SRD5A1: variants seen among roughly 807,000 people sequenced by gnomAD.
SRD5A1 encodes the protein steroid 5 alpha-reductase 1.
SRD5A1 carries 22 observed loss-of-function variants against 28.2 expected under a neutral mutation model. The ratio of observed to expected loss-of-function variants is 0.78; its 90% CI spans 0.56 to 1.12. The LOEUF is 1.12. SRD5A1 is among the 50% of genes most tolerant of loss of function. The pLI is 0.00. For synonymous variants in SRD5A1, 151 were observed against 135.0 expected (o/e 1.12, Z -0.82); for missense variants, 300 against 346.7 (o/e 0.87, Z 1.07).
rs547317427 is a variant in SRD5A1, at chr5:6,656,327, T to C, written c.562+148T>C. The C allele has an allele frequency of 3.1e-4, 211 of 683,828 alleles. 1 individual carries two copies. In the African/African-American group the frequency reaches 3.4e-3, roughly 11 times the overall value. 42.4% of individuals were successfully genotyped at this position (683,828 alleles called of 1,614,324 possible). On this transcript the variant is annotated intron_variant, in intron 3 of 4. Transcript: ENST00000274192. ...TCATCATTATTAATAACAAGTGCTA[T>C]TGTTATTGTCTTATTAGAATAACAA...
chr5:6,663,279 A>T (rs2126551509), intron 4 of SRD5A1, among the ~76,000 whole-genome samples: 1 of 152,366 alleles, frequency 6.6e-6, no homozygotes, highest in South Asian at 2.1e-4. Flanking sequence ...ATTAAAACAG[A>T]TCCCTGACTG....
chr5:6,645,253 C>A, intron 1 of SRD5A1: 1 of 280,550 alleles, frequency 3.6e-6, no homozygotes, highest in Non-Finnish European at 7.0e-6. Flanking sequence ...TACCCTGGCG[C>A]ACATGGTCAG....
chr5:6,671,497 G>C lies in SRD5A1; in HGVS notation c.*3229G>C, dbSNP rs997922336. 1.3e-5 allele frequency: 2 copies of C among 152,202 alleles called. No homozygotes were observed. Among genetic ancestry groups the C allele is most frequent in the Middle Eastern group, 3.4e-3 (1 of 292 alleles). 9.4% of individuals were successfully genotyped at this position (152,202 alleles called of 1,614,324 possible). On this transcript the variant is annotated 3_prime_UTR_variant, in exon 5 of 5. Transcript: ENST00000274192. ...TGACTGTTGCTTTTACCATGCAAAA[G>C]CTCTTTAGTTTAATTAAGTCCCATC...
chr5:6,650,953 G>A (rs1270684688), intron 1 of SRD5A1, among the ~76,000 whole-genome samples: 1 of 151,858 alleles, frequency 6.6e-6, no homozygotes, highest in African/African-American at 2.4e-5. Context: ...CAATTGCCCC[G>A]ATTTACATTT....
chr5:6,662,989 CA>C, intron 4 of SRD5A1, 23 bp downstream of exon 4: 1 of 1,612,038 alleles, frequency 6.2e-7, no homozygotes. Context: ...ACACTTTTAC[CA>C]TTTGTAATTT....
intron 2 of SRD5A1, among the ~76,000 whole-genome samples, chr5:6,655,495 A>C (rs553304561): frequency 1.3e-5 from 2 of 152,364 alleles, no homozygotes; most frequent in East Asian, 3.9e-4. Context: ...CTGACCGAGC[A>C]ATGCTGATTG....
chr5:6,643,940 T>C (rs1369763654), intron 1 of SRD5A1, among the ~76,000 whole-genome samples: 5 of 152,190 alleles, frequency 3.3e-5, no homozygotes, highest in Non-Finnish European at 7.3e-5. Flanking sequence ...TCCTCTATTA[T>C]ATTCTTTTGA....
chr5:6,634,748 T>C (rs508491), intron 1 of SRD5A1, among the ~76,000 whole-genome samples: 1 of 152,288 alleles, frequency 6.6e-6, no homozygotes, highest in Non-Finnish European at 1.5e-5. Context: ...GTTTTTGTTT[T>C]TTTGAATATT....
At position 6,669,404 on chromosome 5, in the gene SRD5A1, C is replaced by A. The variant is rs1416045253; in HGVS notation, c.*1136C>A. The A allele has an allele frequency of 6.6e-6, 1 of 152,228 alleles. No individual in the cohort carries two copies. The highest frequency in any genetic ancestry group is 6.5e-5 in the Admixed American group (1 of 15,282). 9.4% of individuals were successfully genotyped at this position (152,228 alleles called of 1,614,324 possible). A position where few individuals can be genotyped will look rare whatever the true frequency, so the allele number is the denominator to read the frequency against. On this transcript the variant is annotated 3_prime_UTR_variant, in exon 5 of 5. Transcript: ENST00000274192. ...AAAATAATCTTCCTGTTGAATGCTTCATGACTTGAATTCTACTTTGATAAA... is the reference window on the plus strand; with the variant it reads ...AAAATAATCTTCCTGTTGAATGCTTAATGACTTGAATTCTACTTTGATAAA...
At chr5:6,642,525 A>G (rs751306739) in intron 1 of SRD5A1, among the ~76,000 whole-genome samples, 2 of 152,230 alleles carry the variant, frequency 1.3e-5, no homozygotes, top group African/African-American at 4.8e-5. Flanking sequence ...TCATGTGAGC[A>G]TGGAGAGCTC....
At chr5:6,657,706 G>A (rs1178775629) in intron 3 of SRD5A1, among the ~76,000 whole-genome samples, 2 of 152,188 alleles carry the variant, frequency 1.3e-5, no homozygotes, top group African/African-American at 4.8e-5. Context: ...CCCAGAGACG[G>A]CAGGATCCCA....
chr5:6,656,680 T>A (rs1276143847), intron 3 of SRD5A1, among the ~76,000 whole-genome samples: 1 of 152,218 alleles, frequency 6.6e-6, no homozygotes, highest in Non-Finnish European at 1.5e-5. Flanking sequence ...TGCTGGTTTA[T>A]AACCCAGATT....
At chr5:6,663,391 CAA>C (rs1424816629) in intron 4 of SRD5A1, among the ~76,000 whole-genome samples, 1 of 152,268 alleles carries the variant, frequency 6.6e-6, no homozygotes, top group Non-Finnish European at 1.5e-5. Context: ...CTCATACACA[CAA>C]GAGCTCTCCA....
At chr5:6,664,953 C>T (rs1396454581) in intron 4 of SRD5A1, among the ~76,000 whole-genome samples, 3 of 152,244 alleles carry the variant, frequency 2.0e-5, no homozygotes, top group Non-Finnish European at 4.4e-5. Context: ...CAATGCCAGG[C>T]ATGGCAGAAA....
At chr5:6,652,481 G>A (rs979897711) in intron 2 of SRD5A1, among the ~76,000 whole-genome samples, 1 of 152,106 alleles carries the variant, frequency 6.6e-6, no homozygotes, top group Non-Finnish European at 1.5e-5. Flanking sequence ...CAGTTAATGT[G>A]AATTAATGTA....
intron 1 of SRD5A1, chr5:6,645,049 A>G (rs185762997): frequency 2.2e-6 from 1 of 455,000 alleles, no homozygotes; most frequent in East Asian, 7.0e-5. Flanking sequence ...ATCAGTATGA[A>G]GTCTTCCTAG....
At chr5:6,658,508 C>T (rs902012414) in intron 3 of SRD5A1, among the ~76,000 whole-genome samples, 5 of 152,324 alleles carry the variant, frequency 3.3e-5, no homozygotes, top group Middle Eastern at 3.4e-3. Flanking sequence ...ATCAACCCAG[C>T]TTCCTGACGG....
chr5:6,673,495 G>A lies in SRD5A1; in HGVS notation c.*5227G>A, dbSNP rs923757973. On this transcript the variant is annotated 3_prime_UTR_variant, in exon 5 of 5. Coordinates refer to ENST00000274192, the MANE Select transcript of SRD5A1 (RefSeq NM_001047.4). Reference sequence around the variant, plus strand: ...TTCACGGCTGGTGGGGATGCAAAGTGGTGGAGCCACTTGGGAAGACAGTCT... The same window carrying A: ...TTCACGGCTGGTGGGGATGCAAAGTAGTGGAGCCACTTGGGAAGACAGTCT... The A allele has an allele frequency of 2.0e-5, 3 of 152,194 alleles. No homozygotes were observed. Among genetic ancestry groups the A allele is most frequent in the Non-Finnish European group, 2.9e-5 (2 of 68,048 alleles). 9.4% of individuals were successfully genotyped at this position (152,194 alleles called of 1,614,324 possible).
intron 1 of SRD5A1, among the ~76,000 whole-genome samples, chr5:6,637,947 C>T (rs936600234): frequency 2.6e-5 from 4 of 152,230 alleles, no homozygotes; most frequent in African/African-American, 9.6e-5. Context: ...GAGCCTAGCC[C>T]AGCTTCACTT....
Sources: allele counts gnomAD v4.1 joint callset (sites outside exome capture counted in the v4.1 genomes callset), GRCh38; gene constraint gnomAD v4.1.1; transcripts MANE v1.5; gene names NCBI Gene and HGNC (gene_info 2026-07-23, HGNC 2026-07-21).